The following DGKI variants were observed in gnomAD, a reference collection of about 807,000 sequenced individuals.
DGKI encodes the protein diacylglycerol kinase iota, also known as DAG kinase iota.
A neutral mutation model predicts 147.5 loss-of-function variants in DGKI; 55 were observed. The ratio of observed to expected loss-of-function variants is 0.37; its 90% confidence interval spans 0.30 to 0.47. DGKI has a LOEUF of 0.47. Ranked by LOEUF, DGKI falls within the 20% of genes least tolerant of loss-of-function variation. The pLI, the probability that DGKI is intolerant of heterozygous loss-of-function variation, is 1.00. For synonymous variants in DGKI, 469 were observed against 477.1 expected, an observed-to-expected ratio of 0.98 and a Z score of 0.22; for missense variants, 1,007 against 1,323.8, an observed-to-expected ratio of 0.76 and a Z score of 3.71.
chr7:137,809,971 G>A (rs1188209806), intron 1 of DGKI, among the ~76,000 whole-genome samples: 1 of 152,116 alleles, frequency 6.6e-6, no homozygotes, highest in Non-Finnish European at 1.5e-5. Context: ...AGTTTGCTAC[G>A]GCCTTGGCCA....
At chr7:137,528,667 T>C (rs1450676309) in intron 20 of DGKI, among the ~76,000 whole-genome samples, 1 of 152,100 alleles carries the variant, frequency 6.6e-6, no homozygotes, top group Non-Finnish European at 1.5e-5. Flanking sequence ...CATTATAGAG[T>C]CAAAAGCAAT....
intron 3 of DGKI, among the ~76,000 whole-genome samples, chr7:137,666,641 T>C (rs781007160): frequency 1.3e-5 from 2 of 152,158 alleles, no homozygotes; most frequent in Non-Finnish European, 2.9e-5. Context: ...AATCAAATGA[T>C]ACTAACAAAC....
In DGKI at chr7:137,554,988, C is replaced by G. The variant is rs370704379; in HGVS notation, c.1948-2420G>C. Among the ~76,000 whole-genome samples the G allele has an allele frequency of 2.8e-5, 4 of 143,434 alleles. No individual in the cohort carries two copies. The East Asian group carries it at 6.3e-4, about 22-fold the overall frequency. The allele number at this position is 143,434 out of a possible 152,430, so 94.1% of individuals were successfully genotyped here. On this transcript the variant is annotated intron_variant, in intron 19 of 32. Transcript: ENST00000614521. Reference sequence around the variant, plus strand: ...CTGGAATGCAGTGGTGCAATCTCAGCTCACTGCAACCTCCACCTCCCGGGT... The same window carrying G: ...CTGGAATGCAGTGGTGCAATCTCAGGTCACTGCAACCTCCACCTCCCGGGT...
At chr7:137,563,077 C>T (rs1010303418) in intron 19 of DGKI, among the ~76,000 whole-genome samples, 5 of 151,904 alleles carry the variant, frequency 3.3e-5, no homozygotes, top group Non-Finnish European at 7.4e-5. Flanking sequence ...CTAAGAGGGG[C>T]TTATCCTAGA....
At chr7:137,621,454 G>A (rs1265701487) in intron 7 of DGKI, among the ~76,000 whole-genome samples, 1 of 152,082 alleles carries the variant, frequency 6.6e-6, no homozygotes, top group African/African-American at 2.4e-5. Flanking sequence ...CCCCAACCCT[G>A]GAAATCCAGG....
At position 137,485,532 on chromosome 7, in the gene DGKI, G is replaced by C. The variant is rs1404481808; in HGVS notation, c.2329-114C>G. ...TAATATTACTATGCTCATCTGGAAA[G>C]TATCGAACACACCCAAATTCATAAA... is the stretch of plus-strand genomic sequence containing the variant. On this transcript the variant is annotated intron_variant, in intron 22 of 32. Coordinates refer to ENST00000614521, the MANE Select transcript of DGKI (RefSeq NM_001321708.2). 3.8e-6 allele frequency: 3 copies of C among 781,416 alleles called. No homozygotes were observed. In the African/African-American group the frequency reaches 5.3e-5, roughly 14 times the overall value. 48.4% of individuals were successfully genotyped at this position (781,416 alleles called of 1,614,324 possible). A position where few individuals can be genotyped will look rare whatever the true frequency, so the allele number is the denominator to read the frequency against.
intron 12 of DGKI, among the ~76,000 whole-genome samples, chr7:137,593,756 AAATAT>A (rs1819696528): frequency 6.6e-6 from 1 of 152,228 alleles, no homozygotes; most frequent in Admixed American, 6.5e-5. Context: ...TAGATAAATA[AAATAT>A]ATTATAAACT....
intron 20 of DGKI, among the ~76,000 whole-genome samples, chr7:137,529,480 G>C (rs1462385369): frequency 6.6e-6 from 1 of 152,152 alleles, no homozygotes; most frequent in East Asian, 1.9e-4. Context: ...GGTTATTCTA[G>C]AGTGTGTTTT....
chr7:137,679,152 G>A (rs1823142627), intron 2 of DGKI, among the ~76,000 whole-genome samples: 1 of 152,156 alleles, frequency 6.6e-6, no homozygotes, highest in African/African-American at 2.4e-5. Context: ...ATATTTCTAA[G>A]GGCAGAGGCT....
At chr7:137,599,699 G>T in intron 11 of DGKI, 124 bp downstream of exon 11, 1 of 785,352 alleles carries the variant, frequency 1.3e-6, no homozygotes, top group Non-Finnish European at 2.1e-6. Context: ...AGGAAGGAGA[G>T]TACAGGTGAG....
At chr7:137,515,361 T>C (rs1816713723) in intron 21 of DGKI, among the ~76,000 whole-genome samples, 1 of 151,682 alleles carries the variant, frequency 6.6e-6, no homozygotes, top group Non-Finnish European at 1.5e-5. Flanking sequence ...TATCTTGAAA[T>C]AGTACTAGAA....
intron 3 of DGKI, among the ~76,000 whole-genome samples, chr7:137,660,467 G>A (rs536339405): frequency 6.6e-6 from 1 of 152,320 alleles, no homozygotes; most frequent in East Asian, 1.9e-4. Context: ...ATTGAAAGTA[G>A]TGACAGCTCT....
intron 1 of DGKI, among the ~76,000 whole-genome samples, chr7:137,767,530 G>T (rs1240794737): frequency 2.9e-5 from 4 of 137,934 alleles, no homozygotes; most frequent in Non-Finnish European, 6.2e-5. Context: ...GAGAAGAGAA[G>T]AGTAGAGTAG....
At chr7:137,817,513 A>T (rs1797774693) in intron 1 of DGKI, among the ~76,000 whole-genome samples, 1 of 152,226 alleles carries the variant, frequency 6.6e-6, no homozygotes, top group South Asian at 2.1e-4. Context: ...ATACTCTTCA[A>T]TGAGTACTTT....
chr7:137,707,327 G>A (rs1337841625), intron 1 of DGKI, among the ~76,000 whole-genome samples: 2 of 152,190 alleles, frequency 1.3e-5, no homozygotes, highest in Admixed American at 6.5e-5. Context: ...GCTGGCCTTG[G>A]CAAGCCATCA....
intron 24 of DGKI, among the ~76,000 whole-genome samples, chr7:137,468,186 C>G (rs1814735943): frequency 6.6e-6 from 1 of 152,078 alleles, no homozygotes; most frequent in South Asian, 2.1e-4. Flanking sequence ...AACTAAGAAA[C>G]CAGCCAATCA....
At chr7:137,654,637 G>A (rs890240118) in intron 5 of DGKI, 95 bp downstream of exon 5, 26 of 928,578 alleles carry the variant, frequency 2.8e-5, no homozygotes, top group Admixed American at 6.3e-5. Flanking sequence ...GAAAGAGATA[G>A]AATTTATTTT....
At chr7:137,542,839 T>G (rs1049343718) in intron 20 of DGKI, among the ~76,000 whole-genome samples, 1 of 152,210 alleles carries the variant, frequency 6.6e-6, no homozygotes, top group African/African-American at 2.4e-5. Context: ...GAACCTCTAC[T>G]TGGATGCTTG....
intron 1 of DGKI, among the ~76,000 whole-genome samples, chr7:137,716,303 A>C (rs527661150): frequency 6.6e-6 from 1 of 152,332 alleles, no homozygotes; most frequent in African/African-American, 2.4e-5. Flanking sequence ...TCAGAATAAA[A>C]ACTGCAAGAA....
Sources: gnomAD v4.1 joint callset for allele counts (sites outside exome capture counted in the v4.1 genomes callset) on GRCh38, gnomAD v4.1.1 for gene constraint, MANE v1.5 for transcripts, NCBI Gene and HGNC (gene_info 2026-07-23, HGNC 2026-07-21) for gene names.